Variants in NOL4 observed in about 807,000 individuals in gnomAD.
NOL4 encodes the protein cancer/testis antigen 125.
A neutral mutation model predicts 75.9 loss-of-function variants in NOL4; 17 were observed. That is an observed-to-expected ratio of 0.22 (90% CI 0.15 to 0.34). The LOEUF is 0.34. NOL4 is among the 10% of genes least tolerant of loss of function. The pLI is 1.00. For synonymous variants in NOL4, 292 were observed against 289.9 expected, an observed-to-expected ratio of 1.01 and a Z score of -0.07; for missense variants, 614 against 793.5, an observed-to-expected ratio of 0.77 and a Z score of 2.72.
chr18:33,994,261 A>G (rs1302131617), intron 6 of NOL4, among the ~76,000 whole-genome samples: 1 of 151,810 alleles, frequency 6.6e-6, no homozygotes, highest in Non-Finnish European at 1.5e-5. Context: ...CAGAGGAACA[A>G]CAACAAAAAC....
chr18:33,924,875 A>C (rs2067237084), intron 9 of NOL4, among the ~76,000 whole-genome samples: 1 of 152,184 alleles, frequency 6.6e-6, no homozygotes, highest in South Asian at 2.1e-4. Context: ...ATGGGTCTAC[A>C]AATAAACATA....
intron 6 of NOL4, among the ~76,000 whole-genome samples, chr18:33,970,835 A>G (rs888656855): frequency 2.6e-5 from 4 of 151,990 alleles, no homozygotes; most frequent in Non-Finnish European, 5.9e-5. Context: ...TATATGTTTG[A>G]TACAATATGC....
intron 5 of NOL4, among the ~76,000 whole-genome samples, chr18:34,062,290 GAAGAA>G (rs1427664048): frequency 3.3e-5 from 5 of 151,924 alleles, no homozygotes; most frequent in Admixed American, 1.3e-4. Context: ...AGGAACAAAA[GAAGAA>G]AAGGGGCTGT....
intron 5 of NOL4, among the ~76,000 whole-genome samples, chr18:34,041,515 A>G (rs1476975707): frequency 2.6e-5 from 4 of 151,510 alleles, no homozygotes; most frequent in Non-Finnish European, 5.9e-5. Flanking sequence ...CTAAAATGAA[A>G]AAAAAAAGCC....
chr18:33,916,367 G>A (rs184035070), intron 9 of NOL4, among the ~76,000 whole-genome samples: 1 of 152,038 alleles, frequency 6.6e-6, no homozygotes, highest in Admixed American at 6.6e-5. Context: ...TCAGCCTCTC[G>A]GGCTGCAATT....
intron 4 of NOL4, among the ~76,000 whole-genome samples, chr18:34,094,606 ATACT>A (rs1357618940): frequency 1.3e-5 from 2 of 152,232 alleles, no homozygotes; most frequent in African/African-American, 4.8e-5. Context: ...GACAAATGGT[ATACT>A]TATACAGGCT....
rs1052888727 is a variant in NOL4, at chr18:33,920,904, T to C, written c.1542+22161A>G. 8.1e-4 allele frequency among the ~76,000 whole-genome samples: 123 copies of C among 152,322 alleles called. 1 individual carries two copies. Among genetic ancestry groups the C allele is most frequent in the East Asian group, 3.9e-4 (2 of 5,178 alleles). ...GTTGAGGCCAGCCAGCTGGACATCA[T>C]TGGCGAAGAGGTCGCGGCCACTGCC... On this transcript the variant is annotated intron_variant, in intron 9 of 10. Coordinates refer to ENST00000261592, the MANE Select transcript of NOL4 (RefSeq NM_003787.5).
intron 10 of NOL4, among the ~76,000 whole-genome samples, chr18:33,879,716 C>A (rs1394486778): frequency 6.6e-6 from 1 of 151,750 alleles, no homozygotes; most frequent in Non-Finnish European, 1.5e-5. Context: ...ACTATTTATA[C>A]TCTTTTGTTT....
intron 9 of NOL4, among the ~76,000 whole-genome samples, chr18:33,896,476 G>A (rs1568026968): frequency 6.6e-6 from 1 of 151,978 alleles, no homozygotes; most frequent in African/African-American, 2.4e-5. Flanking sequence ...AAATAAGGCA[G>A]CACATCTATG....
chr18:34,159,439 G>A (rs2146157604), intron 1 of NOL4, among the ~76,000 whole-genome samples: 1 of 152,318 alleles, frequency 6.6e-6, no homozygotes, highest in South Asian at 2.1e-4. Context: ...GGAGGAGCAG[G>A]AGACGCGGGC....
At chr18:34,148,367 C>T (rs1422026435) in intron 1 of NOL4, among the ~76,000 whole-genome samples, 2 of 152,024 alleles carry the variant, frequency 1.3e-5, no homozygotes, top group Non-Finnish European at 2.9e-5. Flanking sequence ...ATAAATTTTC[C>T]TGTAAACACT....
At chr18:34,013,523 G>A (rs2074499276) in intron 6 of NOL4, among the ~76,000 whole-genome samples, 1 of 151,892 alleles carries the variant, frequency 6.6e-6, no homozygotes. Context: ...ACCTTCCCTA[G>A]TCTGACACTC....
At chr18:34,179,482 A>G (rs574010582) in intron 1 of NOL4, among the ~76,000 whole-genome samples, 1 of 151,602 alleles carries the variant, frequency 6.6e-6, no homozygotes, top group East Asian at 1.9e-4. Context: ...AATTATTTTT[A>G]AAGAAAGAAA....
chr18:33,943,025 C>T, intron 9 of NOL4, 40 bp downstream of exon 9: 1 of 1,282,618 alleles, frequency 7.8e-7, no homozygotes, highest in South Asian at 1.2e-5. Flanking sequence ...ACTACATTTG[C>T]TATAGCTGGT....
chr18:34,005,704 A>G (rs1190195889), intron 6 of NOL4, among the ~76,000 whole-genome samples: 2 of 151,808 alleles, frequency 1.3e-5, no homozygotes, highest in African/African-American at 2.4e-5. Flanking sequence ...CAAGGCTCAC[A>G]CTCATTGCAT....
chr18:34,196,386 A>AG (rs2146445856), intron 1 of NOL4, among the ~76,000 whole-genome samples: 1 of 152,274 alleles, frequency 6.6e-6, no homozygotes, highest in East Asian at 1.9e-4. Flanking sequence ...GAGCCACTTG[A>AG]GACTGATCAC....
intron 6 of NOL4, among the ~76,000 whole-genome samples, chr18:34,004,566 T>G (rs2073925585): frequency 6.6e-6 from 1 of 152,114 alleles, no homozygotes; most frequent in Admixed American, 6.6e-5. Flanking sequence ...GGGCTTAGCA[T>G]ATAATAAAAA....
intron 5 of NOL4, among the ~76,000 whole-genome samples, chr18:34,078,076 C>T (rs911338474): frequency 2.6e-5 from 4 of 152,094 alleles, no homozygotes; most frequent in Admixed American, 1.3e-4. Flanking sequence ...CATTGCATAT[C>T]TGTATGTTAC....
intron 6 of NOL4, among the ~76,000 whole-genome samples, chr18:33,967,650 A>G (rs998065642): frequency 6.6e-6 from 1 of 152,224 alleles, no homozygotes; most frequent in Non-Finnish European, 1.5e-5. Context: ...AAAGTGGGCA[A>G]AGGACATTAA....
Sources: gnomAD v4.1 joint callset for allele counts (sites outside exome capture counted in the v4.1 genomes callset) on GRCh38, gnomAD v4.1.1 for gene constraint, MANE v1.5 for transcripts, NCBI Gene and HGNC (gene_info 2026-07-23, HGNC 2026-07-21) for gene names.